Variants in MED13 observed in about 807,000 individuals in gnomAD.
MED13 encodes mediator complex subunit 13, also known as mediator of RNA polymerase II transcription subunit 13.
Under a neutral mutation model 225.2 loss-of-function variants are expected in MED13, and 23 were observed. That is an observed-to-expected ratio of 0.10 (90% CI 0.07 to 0.14). The LOEUF is 0.14. Among genes scored for constraint, MED13 ranks in the 10% least tolerant of loss-of-function variants. The pLI is 1.00. For synonymous variants in MED13, 942 were observed against 889.2 expected, an observed-to-expected ratio of 1.06 and a Z score of -1.06; for missense variants, 2,197 against 2,594.5, an observed-to-expected ratio of 0.85 and a Z score of 3.33.
intron 8 of MED13, among the ~76,000 whole-genome samples, chr17:62,027,368 A>G (rs1259525013): frequency 6.6e-6 from 1 of 152,248 alleles, no homozygotes; most frequent in East Asian, 1.9e-4. Context: ...GTGCTGGTAT[A>G]AGTGGCTAGT....
rs1317671050 is a variant in MED13, at chr17:62,010,842, G to T, written c.1675C>A (p.His559Asn). The T allele has an allele frequency of 1.2e-6, 2 of 1,614,130 alleles. No individual in the cohort carries two copies. Among genetic ancestry groups the T allele is most frequent in the Non-Finnish European group, 1.7e-6 (2 of 1,180,062 alleles). Residue 559 changes from histidine to asparagine, a missense_variant, in exon 9 of 30, where the codon CAT (histidine) becomes AAT (asparagine). Coordinates refer to ENST00000397786, the MANE Select transcript of MED13 (RefSeq NM_005121.3). ...TKTPSTPQSQ[H>N]FYQMPTPDPL... ...TCTGGTGTTGGCATTTGATAAAAAT[G>T]TTGACTCTGAGGAGTTGAAGGTGTT...
intron 9 of MED13, among the ~76,000 whole-genome samples, chr17:62,001,746 G>A (rs1470289828): frequency 6.6e-6 from 1 of 152,088 alleles, no homozygotes; most frequent in African/African-American, 2.4e-5. Context: ...ACCTCTATCA[G>A]ATAATATGCT....
intron 3 of MED13, among the ~76,000 whole-genome samples, chr17:62,050,693 T>C (rs1383442204): frequency 6.6e-6 from 1 of 152,128 alleles, no homozygotes; most frequent in African/African-American, 2.4e-5. Flanking sequence ...TCTGTTTGAC[T>C]TCTTAAAACT....
At chr17:62,013,189 A>T (rs1396323617) in intron 8 of MED13, among the ~76,000 whole-genome samples, 5 of 152,204 alleles carry the variant, frequency 3.3e-5, no homozygotes. Flanking sequence ...TCAAAAGGAC[A>T]TAGGAGAAAT....
intron 16 of MED13, among the ~76,000 whole-genome samples, chr17:61,977,274 G>T (rs2080165189): frequency 6.6e-6 from 1 of 152,142 alleles, no homozygotes; most frequent in Non-Finnish European, 1.5e-5. Flanking sequence ...TTTTTATAAT[G>T]AGAAGATGAT....
chr17:61,995,562 A>G (rs2080340163), intron 9 of MED13, among the ~76,000 whole-genome samples, 197 bp from the exon 10 acceptor site: 1 of 152,224 alleles, frequency 6.6e-6, no homozygotes, highest in African/African-American at 2.4e-5. Flanking sequence ...AATGGGGCCA[A>G]AATCCAAGTT....
At chr17:61,996,064 A>G (rs1360005390) in intron 9 of MED13, among the ~76,000 whole-genome samples, 1 of 152,116 alleles carries the variant, frequency 6.6e-6, no homozygotes, top group Non-Finnish European at 1.5e-5. Context: ...ATGACAGGAG[A>G]TGACAGAATA....
At chr17:61,977,976 A>G (rs765236522) in intron 16 of MED13, among the ~76,000 whole-genome samples, 4 of 152,186 alleles carry the variant, frequency 2.6e-5, no homozygotes, top group Admixed American at 6.5e-5. Context: ...TTCTGTTTAC[A>G]TCAGTGCTTA....
In MED13 at chr17:62,064,201, T is replaced by C. The variant is rs367873694; in HGVS notation, c.67-900A>G. ...ATTTCTCATAGCACAAAGGAGAAAATGAAAAAGTAAAGTCACCCAAACTTA... is the reference window on the plus strand; with the variant it reads ...ATTTCTCATAGCACAAAGGAGAAAACGAAAAAGTAAAGTCACCCAAACTTA... On this transcript the variant is annotated intron_variant, in intron 1 of 29. Transcript: ENST00000397786. Among the ~76,000 whole-genome samples, 80 of 152,248 alleles carry C rather than the reference T, an allele frequency of 5.3e-4. 1 individual carries two copies. The South Asian group carries it at 0.015, about 29-fold the overall frequency.
intron 2 of MED13, among the ~76,000 whole-genome samples, chr17:62,060,102 G>A (rs2081026613): frequency 6.6e-6 from 1 of 151,754 alleles, no homozygotes; most frequent in Non-Finnish European, 1.5e-5. Context: ...GACCAGCCTG[G>A]CGAACACGGT....
chr17:61,987,034 G>C lies in MED13; in HGVS notation c.2358C>G (p.Leu786=), dbSNP rs1402764571. The C allele has an allele frequency of 6.3e-7, 1 of 1,592,172 alleles. No homozygotes were observed. The highest frequency in any genetic ancestry group is 8.5e-7 in the Non-Finnish European group (1 of 1,169,658). ...TTAGTTCATCTTCATCAGAATTGAA[G>C]AGATTATCAAGGTCAGTATAAGAGA... ...LAVSYTDLDN[L]FNSDEDELTP... The change falls in exon 12 of 30, where the codon CTC becomes CTG. Residue 786 remains leucine (L), a synonymous_variant. Coordinates refer to ENST00000397786, the MANE Select transcript of MED13 (RefSeq NM_005121.3).
intron 9 of MED13, chr17:62,007,516 T>C (rs766926559): frequency 1.3e-5 from 2 of 151,940 alleles, no homozygotes; most frequent in Non-Finnish European, 2.9e-5. Context: ...ACCTAAGAAA[T>C]AGAGAATTTC....
At chr17:62,059,472 G>T (rs564352793) in intron 2 of MED13, among the ~76,000 whole-genome samples, 1 of 152,360 alleles carries the variant, frequency 6.6e-6, no homozygotes, top group East Asian at 1.9e-4. Context: ...GACACTGCCT[G>T]TGAAGAGCAG....
intron 16 of MED13, 51 bp from the exon 17 acceptor site, chr17:61,972,939 C>G: frequency 6.8e-7 from 1 of 1,474,176 alleles, no homozygotes; most frequent in Non-Finnish European, 9.1e-7. Flanking sequence ...ATTGCCAACA[C>G]AAATAAAATT....
At chr17:62,043,156 C>CAAAA (rs764530614) in intron 3 of MED13, among the ~76,000 whole-genome samples, 488 of 31,588 alleles carry the variant, frequency 0.015, 3 homozygotes, top group Non-Finnish European at 0.018. Flanking sequence ...ACCCTGTCTC[C>CAAAA]AAAAAAAAAA....
intron 2 of MED13, among the ~76,000 whole-genome samples, chr17:62,054,658 T>C (rs1448475719): frequency 2.0e-5 from 3 of 152,218 alleles, no homozygotes; most frequent in African/African-American, 4.8e-5. Context: ...TTCAATTTAA[T>C]GAGGTCCTAC....
chr17:62,031,396 C>A (rs1444768483), intron 6 of MED13, 48 bp downstream of exon 6: 1 of 1,414,676 alleles, frequency 7.1e-7, no homozygotes. Flanking sequence ...ACTTACTGTA[C>A]ACAAAATAAC....
In MED13 at chr17:61,995,343, G is replaced by T. The variant is rs550825478; in HGVS notation, c.1990C>A (p.Pro664Thr). The T allele has an allele frequency of 1.2e-6, 2 of 1,610,794 alleles. No individual in the cohort carries two copies. The highest frequency in any genetic ancestry group is 3.4e-5 in the Admixed American group (2 of 59,598). ...ACTAATTCATCAGAAACTTTTAAAGGTTTCTTACATTGCACCATTAACCTG... is the reference window on the plus strand; with the variant it reads ...ACTAATTCATCAGAAACTTTTAAAGTTTTCTTACATTGCACCATTAACCTG... ...VTELMVQCKK[P>T]LKVSDELVQQ... Residue 664 changes from proline (P) to threonine (T), a missense_variant, in exon 10 of 30, where the codon CCT becomes ACT. Coordinates refer to ENST00000397786, the MANE Select transcript of MED13 (RefSeq NM_005121.3).
In MED13 at chr17:62,065,210, C is replaced by T; in HGVS notation, c.-5G>A. 1 of 1,564,020 alleles carries T rather than the reference C, an allele frequency of 6.4e-7. No individual in the cohort carries two copies. On this transcript the variant is annotated 5_prime_UTR_variant, in exon 1 of 30. Transcript: ENST00000397786. ...CGGCACGAAGGAGGCACTCATCGTCCCTCACAGCAGCCGCCGCCGGCGCCA... is the reference window on the plus strand; with the variant it reads ...CGGCACGAAGGAGGCACTCATCGTCTCTCACAGCAGCCGCCGCCGGCGCCA...
Sources: allele counts gnomAD v4.1 joint callset (sites outside exome capture counted in the v4.1 genomes callset), GRCh38; gene constraint gnomAD v4.1.1; transcripts MANE v1.5; gene names NCBI Gene and HGNC (gene_info 2026-07-23, HGNC 2026-07-21).